Variants in MGAT4D observed in about 807,000 individuals in gnomAD.
The protein encoded by MGAT4D is alpha-1,3-mannosyl-glycoprotein 4-beta-N-acetylglucosaminyltransferase-like protein MGAT4D.
In MGAT4D, 34 loss-of-function variants were observed where a neutral mutation model predicts 15.9. That is an observed-to-expected ratio of 2.14 (90% CI 1.62 to 2.84). The LOEUF (loss-of-function observed/expected upper bound fraction) is 2.84. Among genes scored for constraint, MGAT4D ranks in the 30% most tolerant of loss-of-function variants. MGAT4D has a pLI of 0.00. For missense variants in MGAT4D, 327 were observed against 140.2 expected, an observed-to-expected ratio of 2.33 and a Z score of -6.73; for synonymous variants, 112 against 48.2, an observed-to-expected ratio of 2.33 and a Z score of -5.49.
Position 140,465,004 on chromosome 4 carries a change from T to G in MGAT4D, c.578A>C (p.Lys193Thr), listed in dbSNP as rs930562231. The G allele has an allele frequency of 8.6e-6, 6 of 701,290 alleles. No homozygotes were observed. Among genetic ancestry groups the G allele is most frequent in the South Asian group, 7.4e-5 (5 of 67,136 alleles). 43.4% of individuals were successfully genotyped at this position (701,290 alleles called of 1,614,324 possible). A position where few individuals can be genotyped will look rare whatever the true frequency, so the allele number is the denominator to read the frequency against. The change falls in exon 6 of 11, where the codon AAA becomes ACA. Residue 193 changes from lysine (K) to threonine (T), a missense_variant. Physicochemically the swap from Lys to Thr is moderately conservative, Grantham distance 78. Transcript: ENST00000511113. ...SVVKMITKKFKRQVRSGSLEV... is the reference protein window; with the variant it reads ...SVVKMITKKFTRQVRSGSLEV... ...TAAGGATCCAGACCTCACTTGCCTT[T>G]TGAATCTATAAATAGAAGTAAATGC... is the stretch of plus-strand genomic sequence containing the variant.
At chr4:140,463,433 G>A (rs1731324952) in intron 6 of MGAT4D, among the ~76,000 whole-genome samples, 1 of 152,078 alleles carries the variant, frequency 6.6e-6, no homozygotes, top group Non-Finnish European at 1.5e-5. Context: ...AGGGAGGGGT[G>A]AGGCATGAGA....
intron 10 of MGAT4D, among the ~76,000 whole-genome samples, chr4:140,450,496 AT>A (rs1252710276): frequency 6.6e-6 from 1 of 152,140 alleles, no homozygotes; most frequent in Non-Finnish European, 1.5e-5. Flanking sequence ...TGTTGGACAC[AT>A]TTTCTTTATT....
intron 9 of MGAT4D, among the ~76,000 whole-genome samples, chr4:140,451,753 CA>C (rs1730487255): frequency 6.6e-6 from 1 of 152,040 alleles, no homozygotes; most frequent in Admixed American, 6.6e-5. Context: ...CTTAGAAAAG[CA>C]GGTTAGTGTT....
At chr4:140,474,780 G>A in intron 4 of MGAT4D, 33 bp downstream of exon 4, 1 of 614,064 alleles carries the variant, frequency 1.6e-6, no homozygotes, top group South Asian at 2.0e-5. Context: ...CATAGGGTGA[G>A]GATAAGGAGA....
chr4:140,466,898 T>TATGGGTTTTAG (rs1731572742), intron 5 of MGAT4D, among the ~76,000 whole-genome samples: 1 of 152,144 alleles, frequency 6.6e-6, no homozygotes, highest in Admixed American at 6.6e-5. Context: ...CTAGAGCGAA[T>TATGGGTTTTAG]ATGGGTTTTA....
chr4:140,486,457 A>G (rs2126851071), intron 1 of MGAT4D, among the ~76,000 whole-genome samples: 1 of 152,266 alleles, frequency 6.6e-6, no homozygotes, highest in East Asian at 1.9e-4. Flanking sequence ...TGTCATCTAC[A>G]TTAGGTATTT....
intron 4 of MGAT4D, among the ~76,000 whole-genome samples, chr4:140,473,837 T>C (rs1381368445): frequency 1.3e-5 from 2 of 151,630 alleles, no homozygotes; most frequent in African/African-American, 4.8e-5. Flanking sequence ...TAGCTGGGAC[T>C]ACAGGTGCAC....
At chr4:140,476,088 A>G (rs1163459625) in intron 3 of MGAT4D, among the ~76,000 whole-genome samples, 1 of 152,118 alleles carries the variant, frequency 6.6e-6, no homozygotes, top group Non-Finnish European at 1.5e-5. Context: ...CTGGGATTAC[A>G]GGCATGTGCC....
rs558269854 is a variant in MGAT4D, at chr4:140,464,975, C to T, written c.607G>A (p.Val203Ile). 77 of 702,696 alleles carry T rather than the reference C, an allele frequency of 1.1e-4. No homozygotes were observed. In the Admixed American group the frequency reaches 1.5e-3, roughly 14 times the overall value. The allele number at this position is 702,696 out of a possible 1,614,324, so 43.5% of individuals were successfully genotyped here. A position where few individuals can be genotyped will look rare whatever the true frequency, so the allele number is the denominator to read the frequency against. ...TATAAAAAGGCAGGTATTGAAATGA[C>T]CTCTAAGGATCCAGACCTCACTTGC... The part of the protein sequence containing the change: ...KRQVRSGSLE[V>I]ISIPAFLYSS... Residue 203 changes from valine (V) to isoleucine (I), a missense_variant, in exon 6 of 11, where the codon GTC (valine) becomes ATC (isoleucine). Coordinates refer to ENST00000511113, the MANE Select transcript of MGAT4D (RefSeq NM_001277353.2).
At chr4:140,450,552 T>A (rs573196001) in intron 10 of MGAT4D, among the ~76,000 whole-genome samples, 1 of 152,328 alleles carries the variant, frequency 6.6e-6, no homozygotes, top group East Asian at 1.9e-4. Context: ...TTTACTGAGT[T>A]CACATTATGT....
intron 8 of MGAT4D, chr4:140,457,281 A>G (rs1395601769): frequency 6.6e-6 from 1 of 151,864 alleles, no homozygotes; most frequent in East Asian, 1.9e-4. Context: ...TGCATCTTTA[A>G]TTTTAAAATG....
At chr4:140,480,187 AC>A (rs541230425) in intron 2 of MGAT4D, among the ~76,000 whole-genome samples, 220 of 152,330 alleles carry the variant, frequency 1.4e-3, no homozygotes, top group African/African-American at 4.8e-3. Context: ...AAGTAGGTTC[AC>A]AAAAATATGG....
At chr4:140,491,142 T>C (rs1733474673) in intron 1 of MGAT4D, among the ~76,000 whole-genome samples, 1 of 152,202 alleles carries the variant, frequency 6.6e-6, no homozygotes, top group Non-Finnish European at 1.5e-5. Flanking sequence ...CACAGGACAT[T>C]TCAATTATTC....
chr4:140,446,083 G>A (rs1167949275), intron 10 of MGAT4D, among the ~76,000 whole-genome samples: 3 of 150,752 alleles, frequency 2.0e-5, no homozygotes, highest in East Asian at 3.9e-4. Context: ...TTTTTATTAT[G>A]GATTTTTGCA....
At chr4:140,483,128 A>G (rs1454659531) in intron 1 of MGAT4D, among the ~76,000 whole-genome samples, 1 of 152,138 alleles carries the variant, frequency 6.6e-6, no homozygotes, top group East Asian at 1.9e-4. Flanking sequence ...GTGTAAATGC[A>G]TACATAAAAA....
intron 8 of MGAT4D, chr4:140,457,206 T>C (rs993234687): frequency 6.6e-6 from 1 of 152,080 alleles, no homozygotes; most frequent in African/African-American, 2.4e-5. Context: ...TATTTGTTAT[T>C]CTTAAAGATT....
At chr4:140,472,123 C>A (rs1732005653) in intron 4 of MGAT4D, among the ~76,000 whole-genome samples, 1 of 151,884 alleles carries the variant, frequency 6.6e-6, no homozygotes, top group Non-Finnish European at 1.5e-5. Context: ...TATTATATAT[C>A]TAAAGATGTT....
At chr4:140,458,656 T>A (rs543934154) in intron 8 of MGAT4D, 82 of 152,182 alleles carry the variant, frequency 5.4e-4, no homozygotes, top group African/African-American at 1.9e-3. Context: ...ATAAACTAAA[T>A]GAACATAAAA....
intron 9 of MGAT4D, among the ~76,000 whole-genome samples, chr4:140,456,152 C>T (rs911189086): frequency 3.3e-5 from 5 of 152,108 alleles, no homozygotes; most frequent in Non-Finnish European, 7.4e-5. Flanking sequence ...TAAATAGCTA[C>T]TACTGCAAAT....
Sources: gnomAD v4.1 joint callset for allele counts (sites outside exome capture counted in the v4.1 genomes callset) on GRCh38, gnomAD v4.1.1 for gene constraint, MANE v1.5 for transcripts, NCBI Gene and HGNC (gene_info 2026-07-23, HGNC 2026-07-21) for gene names.